SLC43A3: variants seen among roughly 807,000 people sequenced by gnomAD.
SLC43A3 encodes solute carrier family 43 member 3.
Under a neutral mutation model 53.3 loss-of-function variants are expected in SLC43A3, and 33 were observed. The ratio of observed to expected loss-of-function variants is 0.62; its 90% CI spans 0.47 to 0.83. SLC43A3 has a LOEUF of 0.83. SLC43A3 is among the 40% of genes least tolerant of loss of function. SLC43A3 has a pLI of 0.00. For synonymous variants in SLC43A3, 236 were observed against 246.2 expected (o/e 0.96, Z 0.39); for missense variants, 530 against 610.0 (o/e 0.87, Z 1.38).
At chr11:57,420,369 A>T (rs532616165) in intron 7 of SLC43A3, among the ~76,000 whole-genome samples, 2 of 152,320 alleles carry the variant, frequency 1.3e-5, no homozygotes, top group Admixed American at 6.5e-5. Flanking sequence ...ATCACTAGCA[A>T]CGGGTAAATG....
chr11:57,410,901 T>A (rs551383111), intron 11 of SLC43A3, among the ~76,000 whole-genome samples: 1 of 152,270 alleles, frequency 6.6e-6, no homozygotes, highest in South Asian at 2.1e-4. Context: ...TTTTGATTCT[T>A]CCTCATTTTT....
At chr11:57,422,747 A>G (rs533190316) in intron 5 of SLC43A3, among the ~76,000 whole-genome samples, 10 of 152,330 alleles carry the variant, frequency 6.6e-5, no homozygotes, top group Admixed American at 5.2e-4. Context: ...CGAGTCAAAC[A>G]TTACCCAGCC....
intron 10 of SLC43A3, 34 bp downstream of exon 10, chr11:57,414,899 T>A: frequency 1.2e-6 from 2 of 1,609,534 alleles, no homozygotes; most frequent in Admixed American, 1.7e-5. Context: ...AGCTGGGACA[T>A]GCAGATGGGC....
Position 57,414,723 on chromosome 11 carries a change from A to G in SLC43A3, c.952T>C (p.Tyr318His). ...TGAGTGAAGGCAAAGGCATTTGTGTAGGTGCTGACTGCAGAAGGAAGAGAG... is the reference window on the plus strand; with the variant it reads ...TGAGTGAAGGCAAAGGCATTTGTGTGGGTGCTGACTGCAGAAGGAAGAGAG... ...AGGDMARVST[Y>H]TNAFAFTQFG... Residue 318 changes from tyrosine to histidine, a missense_variant, in exon 11 of 14, where the codon TAC (tyrosine) becomes CAC (histidine). Physicochemically the swap from Tyr to His is moderately conservative, Grantham distance 83. Around this residue, in one of 3 missense-constraint regions of SLC43A3, gnomAD observed 376 missense variants for 386.7 expected, o/e 0.97. Transcript: ENST00000395124. 1.9e-6 allele frequency: 3 copies of G among 1,613,362 alleles called. No individual in the cohort carries two copies. Among genetic ancestry groups the G allele is most frequent in the Non-Finnish European group, 8.5e-7 (1 of 1,179,326 alleles).
At chr11:57,423,915 T>C (rs1359898999) in intron 5 of SLC43A3, 67 bp downstream of exon 5, 2 of 1,453,086 alleles carry the variant, frequency 1.4e-6, no homozygotes, top group Non-Finnish European at 1.9e-6. Context: ...AGCCCTCTGC[T>C]CACACCTGCC....
At chr11:57,421,212 G>C in intron 6 of SLC43A3, 85 bp downstream of exon 6, 1 of 1,345,024 alleles carries the variant, frequency 7.4e-7, no homozygotes, top group Non-Finnish European at 1.1e-6. Flanking sequence ...CCCCATCTGA[G>C]GCAGCCAATT....
In SLC43A3 at chr11:57,423,976, A is replaced by G. The variant is rs949036032; in HGVS notation, c.361+6T>C. On this transcript the variant is annotated splice_donor_region_variant and intron_variant, in intron 5 of 13. Coordinates refer to ENST00000395124, the MANE Select transcript of SLC43A3 (RefSeq NM_199329.3). ...GCATCCCTCCCACCCACCTGACAGC[A>G]CTCACCTGCAGAGGTGAAGGCTATG... The G allele has an allele frequency of 9.3e-6, 15 of 1,613,578 alleles. No homozygotes were observed. Among genetic ancestry groups the G allele is most frequent in the Non-Finnish European group, 1.3e-5 (15 of 1,179,594 alleles).
chr11:57,419,360 A>G (rs1291453769), intron 7 of SLC43A3, among the ~76,000 whole-genome samples: 1 of 152,048 alleles, frequency 6.6e-6, no homozygotes, highest in Non-Finnish European at 1.5e-5. Flanking sequence ...ACCTAGCCCA[A>G]CCTCCTCCCA....
rs764128529 is a variant in SLC43A3, at chr11:57,421,377, G to T, written c.362-4C>A. ...AGGAAGAGCAGCACGGCTGAGCCTG[G>T]ACCATCAAAGTCAGAGGTAGGGTGG... On this transcript the variant is annotated splice_region_variant and splice_polypyrimidine_tract_variant and intron_variant, in intron 5 of 13. Transcript: ENST00000395124. 3 of 1,612,910 alleles carry T rather than the reference G, an allele frequency of 1.9e-6. No homozygotes were observed. Among genetic ancestry groups the T allele is most frequent in the Admixed American group, 3.3e-5 (2 of 60,012 alleles).
In SLC43A3 at chr11:57,407,675, G is replaced by C; in HGVS notation, c.*117C>G. On this transcript the variant is annotated 3_prime_UTR_variant, in exon 14 of 14. Transcript: ENST00000395124. ...TTGTGTGTCTTTATTTTGTGTGTGT[G>C]TGTGTGTGTGTGTGTGTTTTGCTGG... 2 of 635,510 alleles carry C rather than the reference G, an allele frequency of 3.1e-6. No individual in the cohort carries two copies. Among genetic ancestry groups the C allele is most frequent in the Admixed American group, 5.3e-5 (2 of 37,804 alleles). 39.4% of individuals were successfully genotyped at this position (635,510 alleles called of 1,614,324 possible).
intron 11 of SLC43A3, among the ~76,000 whole-genome samples, chr11:57,412,000 A>G (rs1047726766): frequency 6.6e-6 from 1 of 152,086 alleles, no homozygotes; most frequent in Non-Finnish European, 1.5e-5. Flanking sequence ...TAAAAAAATT[A>G]TATATATGTT....
intron 11 of SLC43A3, among the ~76,000 whole-genome samples, chr11:57,412,856 G>A (rs997533400): frequency 3.3e-5 from 5 of 151,662 alleles, no homozygotes; most frequent in Non-Finnish European, 5.9e-5. Flanking sequence ...CGATCCTAAT[G>A]AAATAATGGG....
Position 57,425,987 on chromosome 11 carries a change from A to C in SLC43A3, c.184+2T>G, listed in dbSNP as rs1590715218. On this transcript the variant is annotated splice_donor_variant, in intron 3 of 13. Coordinates refer to ENST00000395124, the MANE Select transcript of SLC43A3 (RefSeq NM_199329.3). LOFTEE classifies it high-confidence loss of function. ...CCTTAGAAAAGTCATCCCTGCCCTT[A>C]CCAGCCTGCCCTGTGGCATTGCCAA... 6.2e-7 allele frequency: 1 copy of C among 1,613,110 alleles called. No homozygotes were observed. Among genetic ancestry groups the C allele is most frequent in the Non-Finnish European group, 8.5e-7 (1 of 1,179,096 alleles).
intron 2 of SLC43A3, 117 bp from the exon 3 acceptor site, chr11:57,426,469 A>C: frequency 2.4e-6 from 1 of 412,194 alleles, no homozygotes; most frequent in Non-Finnish European, 4.5e-6. Context: ...CTGGCAGCAA[A>C]TGTGGGGAAT....
rs967583121 is a variant in SLC43A3, at chr11:57,416,517, A to G, written c.769+56T>C. 3.5e-6 allele frequency: 5 copies of G among 1,413,006 alleles called. No individual in the cohort carries two copies. In the South Asian group the frequency reaches 4.7e-5, roughly 13 times the overall value. The allele number at this position is 1,413,006 out of a possible 1,614,324, so 87.5% of individuals were successfully genotyped here. A position where few individuals can be genotyped will look rare whatever the true frequency, so the allele number is the denominator to read the frequency against. On this transcript the variant is annotated intron_variant, in intron 9 of 13. Transcript: ENST00000395124. Reference sequence around the variant, plus strand: ...AGCTCTGGAGGTGAGGGGCCAGGAAAGGCACAAGGAGAGGCTTGGGTCTGG... The same window carrying G: ...AGCTCTGGAGGTGAGGGGCCAGGAAGGGCACAAGGAGAGGCTTGGGTCTGG...
intron 8 of SLC43A3, 91 bp from the exon 9 acceptor site, chr11:57,416,761 T>G (rs1489151210): frequency 2.1e-6 from 2 of 962,134 alleles, no homozygotes; most frequent in Non-Finnish European, 3.3e-6. Flanking sequence ...GAATCCCACA[T>G]TCCACCGCAC....
intron 11 of SLC43A3, among the ~76,000 whole-genome samples, chr11:57,411,399 G>A (rs1409292722): frequency 6.9e-6 from 1 of 144,594 alleles, no homozygotes; most frequent in Non-Finnish European, 1.5e-5. Context: ...AACACTTTGG[G>A]AGGCCAGGGC....
chr11:57,410,395 T>C (rs78244311), intron 11 of SLC43A3, among the ~76,000 whole-genome samples: 4,849 of 152,248 alleles, frequency 0.032, 270 homozygotes, highest in African/African-American at 0.11. Flanking sequence ...AACTCAGTCA[T>C]GGATTACTGC....
chr11:57,411,426 C>T (rs186492623), intron 11 of SLC43A3, among the ~76,000 whole-genome samples: 23 of 125,884 alleles, frequency 1.8e-4, no homozygotes, highest in Middle Eastern at 5.7e-3. Flanking sequence ...ATTGCTTGAG[C>T]TCAGGAGTTA....
Sources: allele counts gnomAD v4.1 joint callset (sites outside exome capture counted in the v4.1 genomes callset), GRCh38; gene constraint gnomAD v4.1.1; regional missense constraint gnomAD v4.1.1; transcripts MANE v1.5; gene names NCBI Gene and HGNC (gene_info 2026-07-23, HGNC 2026-07-21).